Variants in CALCOCO1 observed in about 807,000 individuals in gnomAD.
CALCOCO1 encodes calcium binding and coiled-coil domain 1.
CALCOCO1 carries 44 observed loss-of-function variants against 86.3 expected under a neutral mutation model. That is an observed-to-expected ratio of 0.51 (90% confidence interval 0.40 to 0.66). The LOEUF is 0.66. Ranked by LOEUF, CALCOCO1 falls within the 30% of genes least tolerant of loss-of-function variation. The pLI is 0.00. For synonymous variants in CALCOCO1, 297 were observed against 327.6 expected, an observed-to-expected ratio of 0.91 and a Z score of 1.01; for missense variants, 708 against 851.1, an observed-to-expected ratio of 0.83 and a Z score of 2.09.
rs1341404145 is a variant in CALCOCO1 at position 53,711,679 on chromosome 12, A to T, written c.*265T>A. 5.3e-6 allele frequency: 2 copies of T among 378,412 alleles called. No homozygotes were observed. The highest frequency in any genetic ancestry group is 4.3e-5 in the Admixed American group (1 of 23,014). 23.4% of individuals were successfully genotyped at this position (378,412 alleles called of 1,614,324 possible). A position where few individuals can be genotyped will look rare whatever the true frequency, so the allele number is the denominator to read the frequency against. On this transcript the variant is annotated 3_prime_UTR_variant, in exon 15 of 15. Transcript: ENST00000550804. Reference sequence around the variant, plus strand: ...ATTCCCACAGGGGAAGGCCTCCTCCATCCCGGTTCCTCCAAAACCACTTTC... The same window carrying T: ...ATTCCCACAGGGGAAGGCCTCCTCCTTCCCGGTTCCTCCAAAACCACTTTC...
In CALCOCO1 at chr12:53,711,742, C is replaced by T; in HGVS notation, c.*202G>A. 1 of 475,740 alleles carries T rather than the reference C, an allele frequency of 2.1e-6. No individual in the cohort carries two copies. Among genetic ancestry groups the T allele is most frequent in the Non-Finnish European group, 3.6e-6 (1 of 279,794 alleles). 29.5% of individuals were successfully genotyped at this position (475,740 alleles called of 1,614,324 possible). On this transcript the variant is annotated 3_prime_UTR_variant, in exon 15 of 15. Coordinates refer to ENST00000550804, the MANE Select transcript of CALCOCO1 (RefSeq NM_020898.3). Reference sequence around the variant, plus strand: ...CAGCCACTGCTTCCGAACAGGACCCCTCCCTGGGACAAAAGAGCCAGGTAG... The same window carrying T: ...CAGCCACTGCTTCCGAACAGGACCCTTCCCTGGGACAAAAGAGCCAGGTAG...
At position 53,712,080 on chromosome 12, in the gene CALCOCO1, C is replaced by T; in HGVS notation, c.1940G>A (p.Gly647Asp). The T allele has an allele frequency of 1.2e-6, 2 of 1,609,938 alleles. No individual in the cohort carries two copies. Among genetic ancestry groups the T allele is most frequent in the Non-Finnish European group, 1.7e-6 (2 of 1,178,062 alleles). Residue 647 changes from glycine (G) to aspartate (D), a missense_variant, in exon 15 of 15, where the codon GGC becomes GAC. By Grantham distance (94) the Gly-to-Asp change is moderately conservative. Transcript: ENST00000550804. The stretch of plus-strand genomic sequence containing the variant: ...CTCCTTCCATGTGGGGGTGGCAGGG[C>T]CCCCAGTGCTGGTTTCTGACAGGGT... ...VGTLSETSTGGPATPTWKECP... is the reference protein window; with the variant it reads ...VGTLSETSTGDPATPTWKECP...
chr12:53,722,205 G>C (rs987285199), intron 4 of CALCOCO1, 22 bp from the exon 5 acceptor site: 1 of 1,610,672 alleles, frequency 6.2e-7, no homozygotes. Context: ...AGAAGGAGAA[G>C]GGGAGTGTGC....
At chr12:53,722,965 A>AAAAAAAAAAAAAAAAAAAC in intron 4 of CALCOCO1, 1 of 392,686 alleles carries the variant, frequency 2.5e-6, no homozygotes, top group Non-Finnish European at 4.9e-6. Context: ...AAAAAAAGAA[A>AAAAAAAAAAAAAAAAAAAC]AGAAAAGAAA....
chr12:53,725,225 TA>T lies in CALCOCO1; in HGVS notation c.17del (p.Leu6GlnfsTer15), dbSNP rs1945994690. MEESPLSRAPSRGGVN... is the reference protein window; with the variant it reads MEESPXSRAPSRGGVN... The stretch of plus-strand genomic sequence containing the variant: ...CTCCACCACGGGATGGTGCCCGGCT[TA>T]GTGGTGATTCTTCCATCCTGGCCTT... On this transcript the variant is annotated frameshift_variant, in exon 2 of 15. Transcript: ENST00000550804. LOFTEE classifies it high-confidence loss of function. 3.1e-6 allele frequency: 5 copies of T among 1,601,346 alleles called. No individual in the cohort carries two copies. Among genetic ancestry groups the T allele is most frequent in the Non-Finnish European group, 4.3e-6 (5 of 1,174,518 alleles).
intron 3 of CALCOCO1, 25 bp from the exon 4 acceptor site, chr12:53,723,808 G>A (rs10783596): frequency 0.15 from 243,445 of 1,603,632 alleles, 20,310 homozygotes; most frequent in East Asian, 0.33. Context: ...ATGGACCCAG[G>A]ACCCCAATAA....
At chr12:53,724,091 C>T (rs907842869) in intron 3 of CALCOCO1, 10 of 408,502 alleles carry the variant, frequency 2.4e-5, no homozygotes, top group African/African-American at 8.3e-5. Flanking sequence ...AGTGCAGTGG[C>T]GCGATCTTGG....
At chr12:53,712,926 T>A in intron 14 of CALCOCO1, 174 bp downstream of exon 14, 2 of 1,349,636 alleles carry the variant, frequency 1.5e-6, no homozygotes, top group Non-Finnish European at 2.0e-6. Flanking sequence ...CCTGAAGGCA[T>A]CTGGGATTTG....
intron 4 of CALCOCO1, 146 bp downstream of exon 4, chr12:53,723,447 C>A: frequency 2.6e-6 from 2 of 771,742 alleles, no homozygotes; most frequent in Non-Finnish European, 4.3e-6. Flanking sequence ...TAGACTGAGA[C>A]TCTCCTGGAG....
chr12:53,719,523 C>G (rs192638640), intron 7 of CALCOCO1, among the ~76,000 whole-genome samples: 1 of 152,206 alleles, frequency 6.6e-6, no homozygotes, highest in East Asian at 1.9e-4. Flanking sequence ...AAGACTCTGT[C>G]TCCAAAAAAC....
In CALCOCO1 at chr12:53,722,008, C is replaced by T. The variant is rs1482401383; in HGVS notation, c.609+17G>A. 5 of 1,611,766 alleles carry T rather than the reference C, an allele frequency of 3.1e-6. No individual in the cohort carries two copies. The highest frequency in any genetic ancestry group is 4.2e-6 in the Non-Finnish European group (5 of 1,180,018). On this transcript the variant is annotated intron_variant, in intron 5 of 14. Transcript: ENST00000550804. ...GTGAGCAGCCAGGCCCTGTCCCCTA[C>T]CTGGCCCAGCTCCCACCTTGTACTG...
chr12:53,721,782 G>A (rs1399210816), intron 5 of CALCOCO1, 167 bp from the exon 6 acceptor site: 19 of 890,538 alleles, frequency 2.1e-5, no homozygotes, highest in Non-Finnish European at 3.0e-5. Flanking sequence ...ACCTATCAAC[G>A]TGGCCACCTC....
Position 53,712,063 on chromosome 12 carries a change from A to G in CALCOCO1, c.1957T>C (p.Trp653Arg). The stretch of plus-strand genomic sequence containing the variant: ...TCCTTACAGATAGGACACTCCTTCC[A>G]TGTGGGGGTGGCAGGGCCCCCAGTG... ...TSTGGPATPT[W>R]KECPICKERF... The change falls in exon 15 of 15, where the codon TGG becomes CGG. Residue 653 changes from tryptophan to arginine, a missense_variant. Transcript: ENST00000550804. 1 of 1,612,278 alleles carries G rather than the reference A, an allele frequency of 6.2e-7. No individual in the cohort carries two copies. Among genetic ancestry groups the G allele is most frequent in the East Asian group, 2.2e-5 (1 of 44,820 alleles).
At chr12:53,712,936 G>T in intron 14 of CALCOCO1, 164 bp downstream of exon 14, 2 of 1,288,702 alleles carry the variant, frequency 1.6e-6, no homozygotes, top group Non-Finnish European at 2.2e-6. Flanking sequence ...TCTGGGATTT[G>T]GAGCAGTGAG....
intron 3 of CALCOCO1, chr12:53,724,411 G>C: frequency 9.7e-6 from 5 of 513,398 alleles, no homozygotes; most frequent in Non-Finnish European, 1.8e-5. Context: ...TCTTTGGGTA[G>C]GACAGGGGAC....
At position 53,722,022 on chromosome 12, in the gene CALCOCO1, C is replaced by T; in HGVS notation, c.609+3G>A. 2 of 1,612,642 alleles carry T rather than the reference C, an allele frequency of 1.2e-6. No homozygotes were observed. The highest frequency in any genetic ancestry group is 8.5e-7 in the Non-Finnish European group (1 of 1,179,998). The stretch of plus-strand genomic sequence containing the variant: ...CCTGTCCCCTACCTGGCCCAGCTCC[C>T]ACCTTGTACTGTTCCATCAGCTCCG... On this transcript the variant is annotated splice_donor_region_variant and intron_variant, in intron 5 of 14. Transcript: ENST00000550804.
Position 53,716,260 on chromosome 12 carries a change from C to T in CALCOCO1, c.1005G>A (p.Val335=), listed in dbSNP as rs773142877. ...KDTLGQAQQR[V]AELEPLKEQL... is the part of the protein sequence containing the mutation. Reference sequence around the variant, plus strand: ...CCTGTTGCCAAGGGGCCTCACTCACCACCCGCTGCTGGGCCTGGCCTAGGG... The same window carrying T: ...CCTGTTGCCAAGGGGCCTCACTCACTACCCGCTGCTGGGCCTGGCCTAGGG... Residue 335 remains valine (V), a splice_region_variant and synonymous_variant, in exon 8 of 15, where the codon GTG becomes GTA. Transcript: ENST00000550804. The T allele has an allele frequency of 6.2e-7, 1 of 1,613,764 alleles. No individual in the cohort carries two copies. Among genetic ancestry groups the T allele is most frequent in the Admixed American group, 1.7e-5 (1 of 59,984 alleles).
At chr12:53,720,443 T>C (rs1056635043) in intron 6 of CALCOCO1, among the ~76,000 whole-genome samples, 2 of 152,276 alleles carry the variant, frequency 1.3e-5, no homozygotes, top group Admixed American at 1.3e-4. Context: ...CTGTGGGATA[T>C]ACAACAGGTG....
rs1400068530 is a variant in CALCOCO1, at chr12:53,714,687, A to T, written c.1393T>A (p.Leu465Met). The change falls in exon 11 of 15, where the codon TTG becomes ATG. Residue 465 changes from leucine to methionine, a missense_variant. By Grantham distance (15) the Leu-to-Met change is conservative (BLOSUM62 2). Coordinates refer to ENST00000550804, the MANE Select transcript of CALCOCO1 (RefSeq NM_020898.3). ...AREKDSSLVQLSESKRELTEL... is the reference protein window; with the variant it reads ...AREKDSSLVQMSESKRELTEL... ...GTCAGCTCCCGCTTACTTTCTGACAACTGTACCTGAGGGAAGAGGGCCCAA... is the reference window on the plus strand; with the variant it reads ...GTCAGCTCCCGCTTACTTTCTGACATCTGTACCTGAGGGAAGAGGGCCCAA... 2 of 1,612,662 alleles carry T rather than the reference A, an allele frequency of 1.2e-6. No individual in the cohort carries two copies. The highest frequency in any genetic ancestry group is 1.7e-6 in the Non-Finnish European group (2 of 1,179,292).
Sources: gnomAD v4.1 joint callset for allele counts (sites outside exome capture counted in the v4.1 genomes callset) on GRCh38, gnomAD v4.1.1 for gene constraint, MANE v1.5 for transcripts, NCBI Gene and HGNC (gene_info 2026-07-23, HGNC 2026-07-21) for gene names.